The following LBH variants were observed in gnomAD, a reference collection of about 807,000 sequenced individuals.
LBH encodes protein LBH.
Under a neutral mutation model 12.5 loss-of-function variants are expected in LBH, and 7 were observed. The ratio of observed to expected loss-of-function variants is 0.56; its 90% CI spans 0.32 to 1.05. The LOEUF is 1.05. Ranked by LOEUF, LBH falls within the 50% of genes least tolerant of loss-of-function variation. The probability of loss-of-function intolerance (pLI) is 0.04; values close to 1 mark genes in which losing one functional copy is unlikely to be tolerated. For missense variants in LBH, 119 were observed against 138.9 expected, an observed-to-expected ratio of 0.86 and a Z score of 0.72; for synonymous variants, 51 against 50.1, an observed-to-expected ratio of 1.02 and a Z score of -0.08.
In LBH at chr2:30,231,681, G is replaced by T; in HGVS notation, c.-58G>T. On this transcript the variant is annotated 5_prime_UTR_variant, in exon 1 of 3. Transcript: ENST00000395323. ...GTCTGCGCCCGTGTCATCCTCACTC[G>T]GGACGCAGGGACCGTTTTTAAATCA... The T allele has an allele frequency of 1.3e-6, 2 of 1,545,600 alleles. No individual in the cohort carries two copies. The highest frequency in any genetic ancestry group is 1.8e-6 in the Non-Finnish European group (2 of 1,127,888).
At chr2:30,241,173 G>A (rs1017117015) in intron 2 of LBH, among the ~76,000 whole-genome samples, 11 of 152,160 alleles carry the variant, frequency 7.2e-5, no homozygotes, top group African/African-American at 2.4e-4. Flanking sequence ...TTAGTAGGTG[G>A]CCTTAAGGTC....
chr2:30,259,602 A>G lies in LBH; in HGVS notation c.*1981A>G. On this transcript the variant is annotated 3_prime_UTR_variant, in exon 3 of 3. Transcript: ENST00000395323. ...CCTGGTCTTGCTGTGTGATGGGAAC[A>G]TGCTTGTAAACTGCGTAACAAATCT... 6.5e-6 allele frequency: 1 copy of G among 152,718 alleles called. No homozygotes were observed. Among genetic ancestry groups the G allele is most frequent in the Non-Finnish European group, 1.5e-5 (1 of 68,100 alleles). 9.5% of individuals were successfully genotyped at this position (152,718 alleles called of 1,614,324 possible).
intron 2 of LBH, among the ~76,000 whole-genome samples, chr2:30,235,478 CATCTTACCACAGCTCCCAGGCGGGG>C (rs1677673440): frequency 6.6e-6 from 1 of 152,122 alleles, no homozygotes; most frequent in Admixed American, 6.5e-5. Flanking sequence ...GCCTTGCTCA[CATCTTACCACAGCTCCCAGGCGGGG>C]ATCCTCACCC....
At chr2:30,232,179 C>A in intron 1 of LBH, 2 of 1,536,526 alleles carry the variant, frequency 1.3e-6, no homozygotes, top group South Asian at 1.2e-5. Context: ...GTCTCAACGT[C>A]GAGGCCGGCA....
intron 2 of LBH, among the ~76,000 whole-genome samples, chr2:30,241,556 T>C (rs1677790773): frequency 6.6e-6 from 1 of 150,802 alleles, no homozygotes; most frequent in Non-Finnish European, 1.5e-5. Flanking sequence ...GCCTCCCAGG[T>C]TCAAGGGATT....
At chr2:30,232,395 T>A in intron 1 of LBH, 2 of 808,176 alleles carry the variant, frequency 2.5e-6, no homozygotes, top group East Asian at 3.2e-5. Flanking sequence ...GCCTTCGCCG[T>A]GCTGAAGGGG....
intron 2 of LBH, among the ~76,000 whole-genome samples, chr2:30,254,619 C>T (rs1349658560): frequency 1.3e-5 from 2 of 152,020 alleles, no homozygotes; most frequent in Non-Finnish European, 2.9e-5. Context: ...TCCTCCTCCC[C>T]CTCCCCCCCT....
chr2:30,253,711 T>G (rs1678028096), intron 2 of LBH, among the ~76,000 whole-genome samples: 1 of 152,202 alleles, frequency 6.6e-6, no homozygotes, highest in African/African-American at 2.4e-5. Flanking sequence ...GGATGCTTAC[T>G]GTAGTTCTTT....
chr2:30,243,956 C>T (rs1332720971), intron 2 of LBH, among the ~76,000 whole-genome samples: 2 of 152,216 alleles, frequency 1.3e-5, no homozygotes, highest in African/African-American at 4.8e-5. Flanking sequence ...CAGGCCAGTG[C>T]TCTAGCAGGG....
At chr2:30,234,800 C>T (rs192387672) in intron 2 of LBH, among the ~76,000 whole-genome samples, 1 of 152,240 alleles carries the variant, frequency 6.6e-6, no homozygotes, top group East Asian at 1.9e-4. Flanking sequence ...ATGAATTGAC[C>T]CTACTGGCTC....
intron 2 of LBH, among the ~76,000 whole-genome samples, chr2:30,246,154 T>G (rs1206290818): frequency 6.6e-6 from 1 of 151,592 alleles, no homozygotes; most frequent in Non-Finnish European, 1.5e-5. Context: ...AAATGAGGTT[T>G]TGCCATGTTG....
At chr2:30,253,360 G>A (rs1342276442) in intron 2 of LBH, among the ~76,000 whole-genome samples, 2 of 152,136 alleles carry the variant, frequency 1.3e-5, no homozygotes, top group Non-Finnish European at 2.9e-5. Flanking sequence ...TGTTGGTTCT[G>A]GGTACTTTTT....
At position 30,232,472 on chromosome 2, in the gene LBH, A is replaced by C. The variant is rs1395804775; in HGVS notation, c.26+708A>C. The C allele has an allele frequency of 7.1e-6, 3 of 425,020 alleles. No individual in the cohort carries two copies. The South Asian group carries it at 1.3e-4, about 18-fold the overall frequency. The allele number at this position is 425,020 out of a possible 1,614,324, so 26.3% of individuals were successfully genotyped here. A position where few individuals can be genotyped will look rare whatever the true frequency, so the allele number is the denominator to read the frequency against. ...GGACTGGGGATCGGAGCCGGGAGGG[A>C]TGCAGAGAGAGGCAGGCCCCTGACT... On this transcript the variant is annotated intron_variant, in intron 1 of 2. Transcript: ENST00000395323.
At chr2:30,244,978 G>T (rs1677848404) in intron 2 of LBH, among the ~76,000 whole-genome samples, 1 of 152,130 alleles carries the variant, frequency 6.6e-6, no homozygotes, top group Non-Finnish European at 1.5e-5. Flanking sequence ...TATGTTTGTT[G>T]ATCAGTTATA....
intron 2 of LBH, among the ~76,000 whole-genome samples, chr2:30,241,755 C>T (rs1363674119): frequency 6.6e-6 from 1 of 152,148 alleles, no homozygotes; most frequent in South Asian, 2.1e-4. Context: ...GGAGCCACCG[C>T]GCCCAGCCTA....
At chr2:30,254,958 TCA>T (rs1321850584) in intron 2 of LBH, among the ~76,000 whole-genome samples, 1 of 152,212 alleles carries the variant, frequency 6.6e-6, no homozygotes, top group African/African-American at 2.4e-5. Flanking sequence ...CCCTCCCTGC[TCA>T]GTTTTCCATC....
At chr2:30,231,853 G>A (rs1677591035) in intron 1 of LBH, 89 bp downstream of exon 1, 6 of 1,174,756 alleles carry the variant, frequency 5.1e-6, no homozygotes, top group Non-Finnish European at 6.7e-6. Context: ...CGGGTGCGAG[G>A]GCAGCCGGCG....
intron 1 of LBH, chr2:30,232,057 C>T (rs1677596454): frequency 2.1e-5 from 31 of 1,461,258 alleles, no homozygotes; most frequent in Non-Finnish European, 2.6e-5. Context: ...GTGAATCCCC[C>T]CCAATGAAAC....
chr2:30,240,420 G>C (rs759141640), intron 2 of LBH, among the ~76,000 whole-genome samples: 1 of 152,154 alleles, frequency 6.6e-6, no homozygotes, highest in Non-Finnish European at 1.5e-5. Context: ...GCAGGCCTGA[G>C]TCCTGAAGTA....
Sources: gnomAD v4.1 joint callset for allele counts (sites outside exome capture counted in the v4.1 genomes callset) on GRCh38, gnomAD v4.1.1 for gene constraint, MANE v1.5 for transcripts, NCBI Gene and HGNC (gene_info 2026-07-23, HGNC 2026-07-21) for gene names.